Variants in RPTOR observed in about 807,000 individuals in gnomAD.
The protein encoded by RPTOR is regulatory-associated protein of mTOR.
A neutral mutation model predicts 169.9 loss-of-function variants in RPTOR; 21 were observed. That is an observed-to-expected ratio of 0.12 (90% CI 0.09 to 0.18). The LOEUF is 0.18. RPTOR is among the 10% of genes least tolerant of loss of function. The pLI is 1.00. For synonymous variants in RPTOR, 732 were observed against 753.2 expected (o/e 0.97, Z 0.46); for missense variants, 1,133 against 1,855.9 (o/e 0.61, Z 7.16).
At chr17:80,723,114 G>A (rs1359017606) in intron 4 of RPTOR, among the ~76,000 whole-genome samples, 1 of 151,344 alleles carries the variant, frequency 6.6e-6, no homozygotes, top group Non-Finnish European at 1.5e-5. Context: ...AGGTTTGGGG[G>A]TGCGTGGTGT....
chr17:80,604,422 C>T (rs2065213583), intron 1 of RPTOR, among the ~76,000 whole-genome samples: 1 of 152,148 alleles, frequency 6.6e-6, no homozygotes, highest in African/African-American at 2.4e-5. Context: ...GTAACTTTCT[C>T]AGTCTTCATA....
intron 17 of RPTOR, among the ~76,000 whole-genome samples, chr17:80,886,777 C>T (rs147269886): frequency 0.012 from 1,772 of 152,178 alleles, 20 homozygotes; most frequent in African/African-American, 0.027. Context: ...GCGAGGACAC[C>T]GTGGGGTTCG....
At chr17:80,654,170 A>T (rs903415513) in intron 3 of RPTOR, among the ~76,000 whole-genome samples, 2 of 152,222 alleles carry the variant, frequency 1.3e-5, no homozygotes, top group South Asian at 4.1e-4. Flanking sequence ...CCCCTAGGCC[A>T]GGGGGTCGCA....
At chr17:80,745,887 C>T (rs879303328) in intron 5 of RPTOR, among the ~76,000 whole-genome samples, 2 of 152,154 alleles carry the variant, frequency 1.3e-5, no homozygotes, top group Admixed American at 6.5e-5. Context: ...TGAGGCCGGG[C>T]GCGGTGGCTC....
chr17:80,674,169 C>T (rs1042492317), intron 3 of RPTOR, among the ~76,000 whole-genome samples: 1 of 152,126 alleles, frequency 6.6e-6, no homozygotes, highest in Non-Finnish European at 1.5e-5. Context: ...GATAAGGGCT[C>T]CTTTCAAACT....
At chr17:80,574,020 G>T (rs189680494) in intron 1 of RPTOR, among the ~76,000 whole-genome samples, 2 of 152,280 alleles carry the variant, frequency 1.3e-5, no homozygotes, top group East Asian at 1.9e-4. Context: ...GAGAGTTCGT[G>T]TCCAGGTTGG....
intron 13 of RPTOR, among the ~76,000 whole-genome samples, chr17:80,874,163 A>G (rs1174883823): frequency 1.3e-5 from 2 of 151,972 alleles, no homozygotes; most frequent in Non-Finnish European, 2.9e-5. Context: ...ATTCAGGGCC[A>G]CTGTAGACGT....
intron 1 of RPTOR, among the ~76,000 whole-genome samples, chr17:80,623,609 C>T (rs1417832192): frequency 6.6e-6 from 1 of 152,066 alleles, no homozygotes; most frequent in African/African-American, 2.4e-5. Flanking sequence ...CGTCTCGGCT[C>T]ACTGCAAACT....
rs568759376 is a variant in RPTOR at position 80,776,220 on chromosome 17, T to A, written c.831-15230T>A. Among the ~76,000 whole-genome samples the A allele has an allele frequency of 1.2e-4, 18 of 152,004 alleles. No individual in the cohort carries two copies. In the South Asian group the frequency reaches 3.3e-3, roughly 28 times the overall value. On this transcript the variant is annotated intron_variant, in intron 6 of 33. Coordinates refer to ENST00000306801, the MANE Select transcript of RPTOR (RefSeq NM_020761.3). ...GATCCTGTCTCTTAAAAGAAAAAAA[T>A]AATAATATTTTCTTATTTTGGACTA... is the stretch of plus-strand genomic sequence containing the variant.
At chr17:80,764,754 T>C (rs12948369) in intron 6 of RPTOR, among the ~76,000 whole-genome samples, 26,887 of 152,016 alleles carry the variant, frequency 0.18, 2,814 homozygotes, top group East Asian at 0.24. Flanking sequence ...TCCACAATGG[T>C]TGAACTAGTT....
chr17:80,682,544 C>G (rs7209214), intron 3 of RPTOR, among the ~76,000 whole-genome samples: 278 of 152,332 alleles, frequency 1.8e-3, no homozygotes, highest in African/African-American at 6.0e-3. Flanking sequence ...TGAGGCAGAG[C>G]TGGGAGTGAT....
intron 1 of RPTOR, among the ~76,000 whole-genome samples, chr17:80,569,208 A>G (rs770155427): frequency 2.9e-4 from 44 of 151,940 alleles, no homozygotes; most frequent in Admixed American, 1.3e-4. Flanking sequence ...TCTTACCTCT[A>G]GTAATTTCTG....
intron 25 of RPTOR, among the ~76,000 whole-genome samples, chr17:80,942,290 C>T (rs751579141): frequency 1.3e-5 from 2 of 151,584 alleles, no homozygotes; most frequent in Non-Finnish European, 2.9e-5. Context: ...CACAGTTCAA[C>T]ATCTGAAGAT....
At chr17:80,837,553 C>T (rs1288024006) in intron 9 of RPTOR, among the ~76,000 whole-genome samples, 2 of 152,260 alleles carry the variant, frequency 1.3e-5, no homozygotes, top group Non-Finnish European at 2.9e-5. Context: ...CTGCTTAGAA[C>T]ACGTGGGCTG....
chr17:80,779,197 G>A (rs902683174), intron 6 of RPTOR, among the ~76,000 whole-genome samples: 5 of 152,186 alleles, frequency 3.3e-5, no homozygotes, highest in East Asian at 3.9e-4. Flanking sequence ...TCATGTGTGC[G>A]CCCGTAAGCT....
At chr17:80,862,802 C>T (rs1428732564) in intron 13 of RPTOR, among the ~76,000 whole-genome samples, 1 of 152,076 alleles carries the variant, frequency 6.6e-6, no homozygotes, top group African/African-American at 2.4e-5. Flanking sequence ...GATCGGGGTG[C>T]ACATGGTGTA....
At chr17:80,580,103 A>G (rs572252738) in intron 1 of RPTOR, among the ~76,000 whole-genome samples, 22 of 152,272 alleles carry the variant, frequency 1.4e-4, no homozygotes, top group Non-Finnish European at 2.5e-4. Context: ...CTTTTTCAGG[A>G]GACTCTTTGG....
chr17:80,895,726 G>A (rs1442743481), intron 20 of RPTOR, among the ~76,000 whole-genome samples: 1 of 152,184 alleles, frequency 6.6e-6, no homozygotes, highest in Non-Finnish European at 1.5e-5. Context: ...CTGTTCTAAA[G>A]CGCAGGCGCC....
At chr17:80,750,551 A>C (rs1243675653) in intron 5 of RPTOR, among the ~76,000 whole-genome samples, 3 of 152,174 alleles carry the variant, frequency 2.0e-5, no homozygotes, top group African/African-American at 7.2e-5. Context: ...CCCTCCCAGC[A>C]CCAGGCACAC....
Sources: gnomAD v4.1 joint callset for allele counts (sites outside exome capture counted in the v4.1 genomes callset) on GRCh38, gnomAD v4.1.1 for gene constraint, MANE v1.5 for transcripts, NCBI Gene and HGNC (gene_info 2026-07-23, HGNC 2026-07-21) for gene names.